UNC80: variants seen among roughly 807,000 people sequenced by gnomAD.
UNC80 encodes the protein unc-80 subunit of NALCN channel complex, also known as protein unc-80 homolog.
Under a neutral mutation model 384.6 loss-of-function variants are expected in UNC80, and 164 were observed. The observed-to-expected ratio is 0.43, with a 90% CI of 0.38 to 0.49. The LOEUF (loss-of-function observed/expected upper bound fraction) is 0.49. UNC80 is among the 20% of genes least tolerant of loss of function. The pLI is 0.00. For synonymous variants in UNC80, 1,486 were observed against 1,527.8 expected, an observed-to-expected ratio of 0.97 and a Z score of 0.64; for missense variants, 3,330 against 4,143.0, an observed-to-expected ratio of 0.80 and a Z score of 5.39.
intron 7 of UNC80, chr2:209,809,348 CCTT>C (rs1224854065): frequency 2.4e-6 from 2 of 850,732 alleles, no homozygotes; most frequent in Admixed American, 3.5e-5. Context: ...TGCGGGAAGG[CCTT>C]CTCCAGACCC....
chr2:209,913,783 G>T lies in UNC80; in HGVS notation c.4891-19G>T, dbSNP rs1352650744. ...ACTGTCTTAAAAGATTTTAAAACAT[G>T]ATTTCCATCTTTTCCCAGGTGATGA... is the stretch of plus-strand genomic sequence containing the variant. On this transcript the variant is annotated intron_variant, in intron 30 of 64. Coordinates refer to ENST00000673920, the MANE Select transcript of UNC80 (RefSeq NM_001371986.1). 8.5e-6 allele frequency: 13 copies of T among 1,536,764 alleles called. No homozygotes were observed. The highest frequency in any genetic ancestry group is 1.1e-5 in the Non-Finnish European group (13 of 1,136,350).
chr2:209,817,951 AG>A lies in UNC80; in HGVS notation c.1693+1del. On this transcript the variant is annotated frameshift_variant and splice_region_variant, in exon 11 of 65. Transcript: ENST00000673920. LOFTEE classifies it high-confidence loss of function. Reference protein sequence around the residue: ...NSHGENTVKEVRSQISTITVA... With the variant: ...NSHGENTVKEXRSQISTITVA... ...GCCATGGAGAAAACACCGTCAAGGA[AG>A]GTGGGTAGGAGGTGGGGCCTACGGG... 6.4e-7 allele frequency: 1 copy of A among 1,551,566 alleles called. No homozygotes were observed. The highest frequency in any genetic ancestry group is 8.7e-7 in the Non-Finnish European group (1 of 1,146,924).
intron 51 of UNC80, among the ~76,000 whole-genome samples, chr2:209,962,211 T>G (rs2092615028): frequency 6.6e-6 from 1 of 152,150 alleles, no homozygotes; most frequent in Admixed American, 6.5e-5. Flanking sequence ...GTGTAATATT[T>G]TTAAGTTTTA....
chr2:209,992,348 G>T, intron 62 of UNC80, 101 bp downstream of exon 62: 1 of 1,153,542 alleles, frequency 8.7e-7, no homozygotes, highest in Admixed American at 2.3e-5. Context: ...TGCTGGACGT[G>T]CCCGGAATCC....
At chr2:209,816,812 T>G in intron 9 of UNC80, 97 bp from the exon 10 acceptor site, 1 of 1,105,444 alleles carries the variant, frequency 9.0e-7, no homozygotes, top group Non-Finnish European at 1.3e-6. Context: ...TCCTGGCACA[T>G]TTCTTGTATT....
chr2:209,934,961 A>G (rs1408629406), intron 39 of UNC80, among the ~76,000 whole-genome samples: 2 of 152,240 alleles, frequency 1.3e-5, no homozygotes, highest in East Asian at 3.8e-4. Flanking sequence ...AAATTGAGGT[A>G]TATCATAATG....
At chr2:209,899,638 C>G (rs10175169) in intron 28 of UNC80, among the ~76,000 whole-genome samples, 1,900 of 152,128 alleles carry the variant, frequency 0.012, 39 homozygotes, top group African/African-American at 0.044. Flanking sequence ...CTAGCCTGTC[C>G]TTCCACACCC....
chr2:209,930,871 A>C (rs1483026995), intron 37 of UNC80, 97 bp from the exon 38 acceptor site: 1 of 774,288 alleles, frequency 1.3e-6, no homozygotes, highest in Admixed American at 2.8e-5. Flanking sequence ...AAAAGTAAAA[A>C]AAATCCCTCA....
chr2:209,815,368 C>T lies in UNC80; in HGVS notation c.1312C>T (p.Leu438=). Residue 438 remains leucine (L), a synonymous_variant, in exon 9 of 65, where the codon CTG becomes TTG. Transcript: ENST00000673920. ...RSAVPDLSSD[L]GMNIFKKFKS... ...TGCAGTCCCAGATCTTTCTTCAGACCTGGGCATGAATATTTTTAAAAAGGT... is the reference window on the plus strand; with the variant it reads ...TGCAGTCCCAGATCTTTCTTCAGACTTGGGCATGAATATTTTTAAAAAGGT... The T allele has an allele frequency of 1.9e-6, 3 of 1,551,370 alleles. No individual in the cohort carries two copies. Among genetic ancestry groups the T allele is most frequent in the Non-Finnish European group, 2.6e-6 (3 of 1,146,870 alleles).
intron 7 of UNC80, among the ~76,000 whole-genome samples, chr2:209,801,406 G>A (rs1206283770): frequency 1.7e-4 from 19 of 110,954 alleles, no homozygotes; most frequent in Admixed American, 7.7e-4. Context: ...TTTTTTTGAC[G>A]GAATCTTCCT....
intron 22 of UNC80, among the ~76,000 whole-genome samples, chr2:209,868,859 T>C (rs1036627537): frequency 6.6e-6 from 1 of 152,212 alleles, no homozygotes; most frequent in African/African-American, 2.4e-5. Context: ...GCCTTCCCAG[T>C]TAAAATCGAT....
At chr2:209,846,510 T>C (rs2082182553) in intron 21 of UNC80, among the ~76,000 whole-genome samples, 1 of 152,086 alleles carries the variant, frequency 6.6e-6, no homozygotes, top group African/African-American at 2.4e-5. Context: ...AGATTTCATA[T>C]GTCTGAAACT....
At chr2:209,940,026 T>G (rs2091521602) in intron 43 of UNC80, among the ~76,000 whole-genome samples, 1 of 152,128 alleles carries the variant, frequency 6.6e-6, no homozygotes, top group African/African-American at 2.4e-5. Flanking sequence ...GAGTTTGCAT[T>G]TCTATTAAGT....
At chr2:209,832,608 T>C (rs933348883) in intron 16 of UNC80, among the ~76,000 whole-genome samples, 1 of 152,158 alleles carries the variant, frequency 6.6e-6, no homozygotes. Context: ...ACTAAAGGAG[T>C]TGAACTTTGC....
rs76058001 is a variant in UNC80, at chr2:209,783,041, A to T, written c.601-3025A>T. Among the ~76,000 whole-genome samples, 81 of 152,332 alleles carry T rather than the reference A, an allele frequency of 5.3e-4. 2 individuals carry two copies. The East Asian group carries it at 0.015, about 28-fold the overall frequency. ...GATTTTAACCAATCCATATGTGTAA[A>T]GTAAACAACTTTAAAATGGAACTTA... On this transcript the variant is annotated intron_variant, in intron 4 of 64. Coordinates refer to ENST00000673920, the MANE Select transcript of UNC80 (RefSeq NM_001371986.1).
chr2:209,862,649 C>CTTTTTTT lies in UNC80; in HGVS notation c.3628-10096_3628-10090dup, dbSNP rs71043955. Among the ~76,000 whole-genome samples, 410 of 78,690 alleles carry CTTTTTTT rather than the reference C, an allele frequency of 5.2e-3. 26 individuals carry two copies. The highest frequency in any genetic ancestry group is 0.022 in the African/African-American group (352 of 16,290). The allele number at this position is 78,690 out of a possible 152,430, so 51.6% of individuals were successfully genotyped here. ...TCAGAGACTAGGATTGCAACCTCTG[C>CTTTTTTT]TTTTTTTTTTTTTTTTTTTGCTTTC... On this transcript the variant is annotated intron_variant, in intron 22 of 64. Transcript: ENST00000673920.
chr2:209,945,784 G>A, intron 46 of UNC80, 63 bp from the exon 47 acceptor site: 1 of 1,067,528 alleles, frequency 9.4e-7, no homozygotes, highest in Non-Finnish European at 1.4e-6. Flanking sequence ...AGGAGTAATA[G>A]GTGCTTCTTT....
At chr2:209,932,859 A>G (rs1288055964) in intron 38 of UNC80, among the ~76,000 whole-genome samples, 1 of 152,200 alleles carries the variant, frequency 6.6e-6, no homozygotes, top group African/African-American at 2.4e-5. Flanking sequence ...TTTAACCCAT[A>G]GGACTTTCTA....
chr2:209,812,572 A>G (rs1177530434), intron 7 of UNC80, among the ~76,000 whole-genome samples: 1 of 152,170 alleles, frequency 6.6e-6, no homozygotes, highest in Non-Finnish European at 1.5e-5. Flanking sequence ...TAGGGTACAA[A>G]CATCTCTCTT....
Sources: gnomAD v4.1 joint callset for allele counts (sites outside exome capture counted in the v4.1 genomes callset) on GRCh38, gnomAD v4.1.1 for gene constraint, MANE v1.5 for transcripts, NCBI Gene and HGNC (gene_info 2026-07-23, HGNC 2026-07-21) for gene names.